The following BLTP1 variants were observed in gnomAD, a reference collection of about 807,000 sequenced individuals.
BLTP1 encodes fragile site-associated protein.
the BLTP1 span, among the ~76,000 whole-genome samples, chr4:122,191,367 T>G: frequency 5.8e-4 from 89 of 152,254 alleles, 5 homozygotes; most frequent in Admixed American, 5.6e-3. Flanking sequence ...TTTGGAAAAT[T>G]GGAGTCTGCT....
At chr4:122,298,748 C>T in the BLTP1 span, 1 of 502,460 alleles carries the variant, frequency 2.0e-6, no homozygotes, top group Non-Finnish European at 2.6e-6. Context: ...TGTATTGAGG[C>T]ATAGGAATGA....
chr4:122,206,881 A>G, the BLTP1 span, among the ~76,000 whole-genome samples: 1 of 151,614 alleles, frequency 6.6e-6, no homozygotes, highest in Non-Finnish European at 1.5e-5. Context: ...AAATAGATAT[A>G]TTAATATATA....
chr4:122,257,540 A>T, the BLTP1 span: 1 of 1,569,926 alleles, frequency 6.4e-7, no homozygotes, highest in East Asian at 2.2e-5. Flanking sequence ...CACCTCACAA[A>T]ACTAGGGTGT....
At chr4:122,262,086 T>C in the BLTP1 span, 1 of 761,300 alleles carries the variant, frequency 1.3e-6, no homozygotes, top group South Asian at 6.0e-5. Context: ...TAGCTTTTCT[T>C]TCTTTAGTTT....
chr4:122,231,094 C>T, the BLTP1 span, among the ~76,000 whole-genome samples: 6 of 152,060 alleles, frequency 3.9e-5, no homozygotes, highest in African/African-American at 7.2e-5. Context: ...TCTAAATTTC[C>T]CATTATAAAT....
the BLTP1 span, chr4:122,192,118 A>G: frequency 9.5e-7 from 1 of 1,054,588 alleles, no homozygotes; most frequent in Non-Finnish European, 1.3e-6. Flanking sequence ...AATAATTTTT[A>G]AGAGTGTAAA....
chr4:122,326,007 CTT>C, the BLTP1 span: 1 of 361,972 alleles, frequency 2.8e-6, no homozygotes, highest in South Asian at 2.5e-5. Flanking sequence ...TCATTTCAAA[CTT>C]AACTTAGACC....
At chr4:122,253,730 G>T in the BLTP1 span, among the ~76,000 whole-genome samples, 1 of 152,094 alleles carries the variant, frequency 6.6e-6, no homozygotes, top group Non-Finnish European at 1.5e-5. Flanking sequence ...TGGAAAGTTT[G>T]TTTAAAGGGG....
At chr4:122,225,386 A>G in the BLTP1 span, 1 of 152,242 alleles carries the variant, frequency 6.6e-6, no homozygotes, top group Admixed American at 6.5e-5. Context: ...TTATTGTAAC[A>G]TTTCACCTGA....
At chr4:122,175,454 T>C in the BLTP1 span, among the ~76,000 whole-genome samples, 1 of 152,166 alleles carries the variant, frequency 6.6e-6, no homozygotes, top group Non-Finnish European at 1.5e-5. Context: ...ATAATTTTTT[T>C]CCCTCTCTCC....
At chr4:122,280,069 T>G in the BLTP1 span, 2 of 1,591,338 alleles carry the variant, frequency 1.3e-6, no homozygotes, top group African/African-American at 2.7e-5. Flanking sequence ...TGGAGGGAGA[T>G]GAAGGGTTAC....
the BLTP1 span, chr4:122,353,938 G>T: frequency 6.2e-7 from 1 of 1,613,758 alleles, no homozygotes; most frequent in Non-Finnish European, 8.5e-7. This position sits in a 1 kb window ranked among gnomAD's most constrained non-coding sequence, Gnocchi z 4.3. Flanking sequence ...AGATAACAAG[G>T]CGTCGCCATG....
At chr4:122,154,366 G>A in the BLTP1 span, 2 of 984,874 alleles carry the variant, frequency 2.0e-6, no homozygotes, top group Non-Finnish European at 1.2e-6. Context: ...GCTAGGGAAT[G>A]GGGGTGGGGT....
At chr4:122,182,561 TACTC>T in the BLTP1 span, 3 of 750,534 alleles carry the variant, frequency 4.0e-6, no homozygotes, top group Non-Finnish European at 4.9e-6. Context: ...GACATAATCC[TACTC>T]ACTCATCATC....
At chr4:122,254,575 G>T in the BLTP1 span, 1 of 939,566 alleles carries the variant, frequency 1.1e-6, no homozygotes, top group Non-Finnish European at 1.3e-6. Context: ...CTCTGCCTTA[G>T]ACTTTTGTTT....
chr4:122,166,660 T>G, the BLTP1 span, among the ~76,000 whole-genome samples: 1 of 152,222 alleles, frequency 6.6e-6, no homozygotes, highest in Admixed American at 6.5e-5. Context: ...TAAATTACCT[T>G]GGGCAGTATG....
At chr4:122,271,006 TCACG>T in the BLTP1 span, 8 of 1,557,650 alleles carry the variant, frequency 5.1e-6, no homozygotes, top group Admixed American at 8.4e-5. Flanking sequence ...TTTTTTTATT[TCACG>T]TTTTTAGGCA....
the BLTP1 span, chr4:122,328,244 A>G: frequency 6.2e-7 from 1 of 1,611,256 alleles, no homozygotes; most frequent in South Asian, 1.1e-5. Flanking sequence ...TTCCTTTCCA[A>G]ACTGAAGAGG....
chr4:122,319,736 T>C, the BLTP1 span, among the ~76,000 whole-genome samples: 1 of 152,064 alleles, frequency 6.6e-6, no homozygotes, highest in African/African-American at 2.4e-5. Flanking sequence ...AGACGGGGTT[T>C]CACCATCTTG....
Sources: gnomAD v4.1 joint callset for allele counts (sites outside exome capture counted in the v4.1 genomes callset) on GRCh38, gnomAD v4.1.1 for gene constraint, Gnocchi (gnomAD v3.1) non-coding constraint, MANE v1.5 for transcripts, NCBI Gene and HGNC (gene_info 2026-07-23, HGNC 2026-07-21) for gene names.